The following ZNF41 variants were observed in gnomAD, a reference collection of about 807,000 sequenced individuals.
ZNF41 encodes the protein zinc finger protein 41.
Under a neutral mutation model 9.3 loss-of-function variants are expected in ZNF41, and 6 were observed. The observed-to-expected ratio is 0.65, with a 90% confidence interval of 0.35 to 1.28. The LOEUF is 1.28. Among genes scored for constraint, ZNF41 ranks in the 50% most tolerant of loss-of-function variants. ZNF41 has a pLI of 0.03. For missense variants in ZNF41, 523 were observed against 585.8 expected (o/e 0.89, Z 1.11); for synonymous variants, 192 against 207.1 (o/e 0.93, Z 0.63).
chrX:47,467,189 A>G (rs2057020033), intron 2 of ZNF41: 5 of 743,453 alleles, frequency 6.7e-6, no homozygotes, highest in Non-Finnish European at 9.7e-6. Flanking sequence ...GTAATCAGCC[A>G]CATTACACTG....
At chrX:47,472,924 T>C (rs1303399868) in intron 1 of ZNF41, among the ~76,000 whole-genome samples, 1 of 109,984 alleles carries the variant, frequency 9.1e-6, no homozygotes, top group African/African-American at 3.3e-5. Flanking sequence ...GGTTTCACCA[T>C]ATTGGTCAGG....
intron 1 of ZNF41, among the ~76,000 whole-genome samples, chrX:47,474,401 T>C (rs181146671): frequency 9.2e-6 from 1 of 109,112 alleles, no homozygotes; most frequent in African/African-American, 3.3e-5. Flanking sequence ...CAGGAGGAGG[T>C]TGCAGTGAGC....
chrX:47,447,477 G>A lies in ZNF41; in HGVS notation c.2293C>T (p.His765Tyr), dbSNP rs779366833. ...AFTDRSNLIK[H>Y]QKMHSGEKRY... ...TTTTCTCCACTATGCATTTTCTGGTGTTTAATGAGATTCGATCTGTCAGTA... is the reference window on the plus strand; with the variant it reads ...TTTTCTCCACTATGCATTTTCTGGTATTTAATGAGATTCGATCTGTCAGTA... Residue 765 changes from histidine (H) to tyrosine (Y), a missense_variant, in exon 5 of 5, where the codon CAC becomes TAC. Coordinates refer to ENST00000684689, the MANE Select transcript of ZNF41 (RefSeq NM_001324144.2). 7 of 1,211,421 alleles carry A rather than the reference G, an allele frequency of 5.8e-6. No individual in the cohort carries two copies. The East Asian group carries it at 2.1e-4, about 36-fold the overall frequency.
At chrX:47,463,705 C>T (rs2056893431) in intron 2 of ZNF41, among the ~76,000 whole-genome samples, 1 of 111,297 alleles carries the variant, frequency 9.0e-6, no homozygotes. Context: ...CCTCTGGCTG[C>T]CCCCCAGCCT....
In ZNF41 at chrX:47,447,818, C is replaced by T. The variant is rs780671277; in HGVS notation, c.1952G>A (p.Arg651His). 7.9e-5 allele frequency: 96 copies of T among 1,209,667 alleles called. No homozygotes were observed. In the South Asian group the frequency reaches 1.5e-3, roughly 18 times the overall value. The change falls in exon 5 of 5, where the codon CGT becomes CAT. Residue 651 changes from arginine to histidine, a missense_variant. By Grantham distance (29) the Arg-to-His change is conservative (BLOSUM62 0). Transcript: ENST00000684689. ...ACCTGTGTGGATTTTCTGATGCACA[C>T]GGAGTTGTGACTTCTTAGTGAAGCA... ...GKCFTKKSQL[R>H]VHQKIHTGEK...
rs141915697 is a variant in ZNF41 at position 47,447,490 on chromosome X, C to T, written c.2280G>A (p.Ser760=). 6.0e-5 allele frequency: 73 copies of T among 1,209,657 alleles called. No homozygotes were observed. Among genetic ancestry groups the T allele is most frequent in the East Asian group, 1.5e-4 (5 of 33,773 alleles). The part of the protein sequence containing the change: ...TECQKAFTDR[S]NLIKHQKMHS... ...GCATTTTCTGGTGTTTAATGAGATT[C>T]GATCTGTCAGTAAAGGCCTTCTGAC... The change falls in exon 5 of 5, where the codon TCG becomes TCA. Residue 760 remains serine, a synonymous_variant. Coordinates refer to ENST00000684689, the MANE Select transcript of ZNF41 (RefSeq NM_001324144.2).
chrX:47,481,590 T>C (rs2057474024), intron 1 of ZNF41, among the ~76,000 whole-genome samples: 1 of 112,195 alleles, frequency 8.9e-6, no homozygotes, highest in African/African-American at 3.2e-5. Context: ...GAGGCTGCAG[T>C]GAGCCATGAT....
At chrX:47,481,159 G>C (rs1603008119) in intron 1 of ZNF41, among the ~76,000 whole-genome samples, 1 of 112,111 alleles carries the variant, frequency 8.9e-6, no homozygotes, top group South Asian at 3.7e-4. Context: ...TTGTGGGTCA[G>C]ATGCTCACGC....
At position 47,448,777 on chromosome X, in the gene ZNF41, T is replaced by C. The variant is rs1602816143; in HGVS notation, c.993A>G (p.Gln331=). 2 of 1,211,942 alleles carry C rather than the reference T, an allele frequency of 1.7e-6. No homozygotes were observed. Among genetic ancestry groups the C allele is most frequent in the South Asian group, 1.8e-5 (1 of 57,017 alleles). Reference sequence around the variant, plus strand: ...ATTTGAGGGTAAAGACTTTCCCACATTGAGTACACAGATAGGGTTTTTCTC... The same window carrying C: ...ATTTGAGGGTAAAGACTTTCCCACACTGAGTACACAGATAGGGTTTTTCTC... ...YTGEKPYLCT[Q]CGKVFTLKSN... The change falls in exon 5 of 5, where the codon CAA becomes CAG. Residue 331 remains glutamine, a synonymous_variant. Transcript: ENST00000684689.
chrX:47,459,660 C>T (rs1431076042), intron 2 of ZNF41, among the ~76,000 whole-genome samples: 2 of 103,712 alleles, frequency 1.9e-5, no homozygotes, highest in African/African-American at 3.6e-5. Context: ...GGGAGAATCA[C>T]CTGAACCTGG....
chrX:47,471,512 G>A (rs931739741), intron 1 of ZNF41, among the ~76,000 whole-genome samples: 1 of 110,127 alleles, frequency 9.1e-6, no homozygotes, highest in African/African-American at 3.3e-5. Flanking sequence ...GTCTCCTTGT[G>A]ATCATATATG....
intron 1 of ZNF41, among the ~76,000 whole-genome samples, chrX:47,481,232 A>G (rs1300919408): frequency 9.0e-6 from 1 of 111,227 alleles, no homozygotes. Flanking sequence ...CTTGAGGCCA[A>G]GGAGTTCAAG....
intron 1 of ZNF41, among the ~76,000 whole-genome samples, chrX:47,480,494 T>C (rs192392262): frequency 4.5e-5 from 5 of 110,418 alleles, no homozygotes; most frequent in African/African-American, 1.6e-4. Context: ...TGTTTGAACA[T>C]GAAATGAGGA....
Position 47,456,406 on chromosome X carries a change from GAC to G in ZNF41, c.73-10_73-9del, listed in dbSNP as rs1569282860. On this transcript the variant is annotated splice_polypyrimidine_tract_variant and intron_variant, in intron 2 of 4. Coordinates refer to ENST00000684689, the MANE Select transcript of ZNF41 (RefSeq NM_001324144.2). ...CTCAAATGACACTGAAGCCTGTAACGACACAATGCTGTTCAAGGCAGCATGGT... is the reference window on the plus strand; with the variant it reads ...CTCAAATGACACTGAAGCCTGTAACGACAATGCTGTTCAAGGCAGCATGGT... 2.5e-6 allele frequency: 3 copies of G among 1,209,423 alleles called. No homozygotes were observed. Among genetic ancestry groups the G allele is most frequent in the East Asian group, 3.0e-5 (1 of 33,750 alleles).
In ZNF41 at chrX:47,447,458, C is replaced by T; in HGVS notation, c.2312G>A (p.Gly771Glu). The T allele has an allele frequency of 2.5e-6, 3 of 1,211,360 alleles. No individual in the cohort carries two copies. The highest frequency in any genetic ancestry group is 3.4e-6 in the Non-Finnish European group (3 of 895,453). ...GTCACTGGCTTTATAGCGTTTTTCTCCACTATGCATTTTCTGGTGTTTAAT... is the reference window on the plus strand; with the variant it reads ...GTCACTGGCTTTATAGCGTTTTTCTTCACTATGCATTTTCTGGTGTTTAAT... ...NLIKHQKMHSGEKRYKASD is the reference protein window; with the variant it reads ...NLIKHQKMHSEEKRYKASD The change falls in exon 5 of 5, where the codon GGA (glycine) becomes GAA (glutamate). Residue 771 changes from glycine (G) to glutamate (E), a missense_variant. Transcript: ENST00000684689.
At chrX:47,450,686 C>T (rs1569276959) in intron 4 of ZNF41, among the ~76,000 whole-genome samples, 6 of 112,013 alleles carry the variant, frequency 5.4e-5, no homozygotes, top group Admixed American at 1.9e-4. Flanking sequence ...GCTATGTTCT[C>T]AGCAGTGGAA....
chrX:47,466,198 CAA>C (rs765791637), intron 2 of ZNF41, among the ~76,000 whole-genome samples: 3 of 105,140 alleles, frequency 2.9e-5, no homozygotes, highest in African/African-American at 1.0e-4. Context: ...ATAAAATGAC[CAA>C]AAAAAAAAAT....
At chrX:47,467,372 G>C in intron 2 of ZNF41, 38 bp downstream of exon 2, 1 of 1,171,198 alleles carries the variant, frequency 8.5e-7, no homozygotes, top group Non-Finnish European at 1.1e-6. Context: ...TCTCTTCACT[G>C]AATGAATTCT....
chrX:47,478,608 T>C (rs1226906038), intron 1 of ZNF41, among the ~76,000 whole-genome samples: 1 of 111,200 alleles, frequency 9.0e-6, no homozygotes, highest in Non-Finnish European at 1.9e-5. Flanking sequence ...TCCTAATACA[T>C]ACTATAACAC....
Sources: gnomAD v4.1 joint callset for allele counts (sites outside exome capture counted in the v4.1 genomes callset) on GRCh38, gnomAD v4.1.1 for gene constraint, MANE v1.5 for transcripts, NCBI Gene and HGNC (gene_info 2026-07-23, HGNC 2026-07-21) for gene names.